The following SDF2L1 variants were observed in gnomAD, a reference collection of about 807,000 sequenced individuals.
SDF2L1 encodes the protein stromal cell derived factor 2 like 1.
In SDF2L1, 18 loss-of-function variants were observed where a neutral mutation model predicts 19.4. The ratio of observed to expected loss-of-function variants is 0.93; its 90% confidence interval spans 0.64 to 1.38. SDF2L1 has a LOEUF of 1.38. Among genes scored for constraint, SDF2L1 ranks in the 40% most tolerant of loss-of-function variants. SDF2L1 has a pLI of 0.00. For missense variants in SDF2L1, 263 were observed against 319.4 expected, an observed-to-expected ratio of 0.82 and a Z score of 1.35; for synonymous variants, 161 against 148.9, an observed-to-expected ratio of 1.08 and a Z score of -0.59.
In SDF2L1 at chr22:21,643,908, TG is replaced by T. The variant is rs771440871; in HGVS notation, c.403del (p.Glu135LysfsTer122). 2 of 1,613,122 alleles carry T rather than the reference TG, an allele frequency of 1.2e-6. No individual in the cohort carries two copies. The highest frequency in any genetic ancestry group is 1.7e-6 in the Non-Finnish European group (2 of 1,179,428). ...LSNNQEVSAFGEDGEGDDLDL... is the reference protein window; with the variant it reads ...LSNNQEVSAFXEDGEGDDLDL... ...TGCACCTATAGGAGGTGAGTGCCTT[TG>T]GGGAAGACGGCGAGGGCGACGACCT... On this transcript the variant is annotated frameshift_variant, in exon 3 of 3. Transcript: ENST00000248958. LOFTEE classifies it high-confidence loss of function.
intron 1 of SDF2L1, 101 bp downstream of exon 1, chr22:21,642,624 C>A (rs2066087899): frequency 1.4e-6 from 2 of 1,389,848 alleles, no homozygotes; most frequent in East Asian, 2.6e-5. Flanking sequence ...GTCTGGAAGC[C>A]GGGCGGCGGG....
At chr22:21,643,366 A>C in intron 2 of SDF2L1, 1 of 532,018 alleles carries the variant, frequency 1.9e-6, no homozygotes, top group Non-Finnish European at 3.3e-6. Context: ...GGAATAGGAA[A>C]CTCCACTGGG....
intron 2 of SDF2L1, 26 bp from the exon 3 acceptor site, chr22:21,643,868 T>C (rs1337901259): frequency 1.9e-6 from 3 of 1,598,294 alleles, no homozygotes; most frequent in Admixed American, 1.7e-5. Context: ...TGGTGACCAC[T>C]GTCTTCTCAT....
At chr22:21,642,762 G>T in intron 1 of SDF2L1, 100 bp from the exon 2 acceptor site, 1 of 1,405,840 alleles carries the variant, frequency 7.1e-7, no homozygotes, top group Non-Finnish European at 9.6e-7. Flanking sequence ...GGCTGGGGGT[G>T]AGCCCTTGGG....
intron 1 of SDF2L1, 53 bp downstream of exon 1, chr22:21,642,576 G>A: frequency 6.7e-7 from 1 of 1,501,118 alleles, no homozygotes; most frequent in African/African-American, 1.4e-5. Context: ...TCGGGGTTGG[G>A]AGTGTGGAGA....
Position 21,642,351 on chromosome 22 carries a change from C to T in SDF2L1, c.15C>T (p.Gly5=). The change falls in exon 1 of 3, where the codon GGC becomes GGT. Residue 5 remains glycine, a synonymous_variant. Coordinates refer to ENST00000248958, the MANE Select transcript of SDF2L1 (RefSeq NM_022044.3). ...GGGCCGGGGCGATGTGGAGCGCGGG[C>T]CGCGGCGGGGCTGCCTGGCCGGTGC... MWSA[G]RGGAAWPVLL... is the part of the protein sequence containing the mutation. The T allele has an allele frequency of 1.4e-6, 2 of 1,384,402 alleles. No homozygotes were observed. Among genetic ancestry groups the T allele is most frequent in the Middle Eastern group, 2.6e-4 (1 of 3,876 alleles). The allele number at this position is 1,384,402 out of a possible 1,614,324, so 85.8% of individuals were successfully genotyped here.
chr22:21,643,864 C>T (rs747434770), intron 2 of SDF2L1, 30 bp from the exon 3 acceptor site: 1 of 1,594,652 alleles, frequency 6.3e-7, no homozygotes, highest in South Asian at 1.1e-5. Context: ...TCTGTGGTGA[C>T]CACTGTCTTC....
chr22:21,643,884 G>A lies in SDF2L1; in HGVS notation c.385-10G>A. ...GGTGACCACTGTCTTCTCATCCTTT[G>A]CACCTATAGGAGGTGAGTGCCTTTG... On this transcript the variant is annotated splice_polypyrimidine_tract_variant and intron_variant, in intron 2 of 2. Transcript: ENST00000248958. The A allele has an allele frequency of 1.2e-6, 2 of 1,607,930 alleles. No individual in the cohort carries two copies. Among genetic ancestry groups the A allele is most frequent in the Non-Finnish European group, 1.7e-6 (2 of 1,175,922 alleles).
At chr22:21,643,107 G>A in intron 2 of SDF2L1, 49 bp downstream of exon 2, 2 of 1,536,370 alleles carry the variant, frequency 1.3e-6, no homozygotes, top group Non-Finnish European at 1.8e-6. Context: ...TGTGTGAGGG[G>A]CCAGAGACAG....
Position 21,642,378 on chromosome 22 carries a change from G to C in SDF2L1, c.42G>C (p.Leu14=). The C allele has an allele frequency of 6.9e-7, 1 of 1,442,246 alleles. No homozygotes were observed. Among genetic ancestry groups the C allele is most frequent in the African/African-American group, 1.5e-5 (1 of 65,896 alleles). 89.3% of individuals were successfully genotyped at this position (1,442,246 alleles called of 1,614,324 possible). The change falls in exon 1 of 3, where the codon CTG becomes CTC. Residue 14 remains leucine, a synonymous_variant. Transcript: ENST00000248958. Reference sequence around the variant, plus strand: ...GCGGCGGGGCTGCCTGGCCGGTGCTGTTGGGGCTGCTGCTGGCGCTGTTAG... The same window carrying C: ...GCGGCGGGGCTGCCTGGCCGGTGCTCTTGGGGCTGCTGCTGGCGCTGTTAG... ...AGRGGAAWPV[L]LGLLLALLVP...
chr22:21,644,204 T>C lies in SDF2L1; in HGVS notation c.*29T>C, dbSNP rs369499413. ...TGTGGATGGATGGGTGGATGGAGGG[T>C]GGCAGGTGGGGCGTCTGCAGGGCCA... On this transcript the variant is annotated 3_prime_UTR_variant, in exon 3 of 3. Transcript: ENST00000248958. 3.4e-5 allele frequency: 54 copies of C among 1,606,272 alleles called. No individual in the cohort carries two copies. In the African/African-American group the frequency reaches 5.9e-4, roughly 17 times the overall value.
At position 21,642,486 on chromosome 22, in the gene SDF2L1, C is replaced by G; in HGVS notation, c.150C>G (p.Arg50=). The change falls in exon 1 of 3, where the codon CGC becomes CGG. Residue 50 remains arginine (R), a synonymous_variant. Coordinates refer to ENST00000248958, the MANE Select transcript of SDF2L1 (RefSeq NM_022044.3). ...TGAAGCTGCTCAATACGCACCACCGCGTGCGGCTGCACTCGCACGACATCA... is the reference window on the plus strand; with the variant it reads ...TGAAGCTGCTCAATACGCACCACCGGGTGCGGCTGCACTCGCACGACATCA... ...SVLKLLNTHH[R]VRLHSHDIKY... is the part of the protein sequence containing the mutation. 1.3e-6 allele frequency: 2 copies of G among 1,518,822 alleles called. No individual in the cohort carries two copies. Among genetic ancestry groups the G allele is most frequent in the Non-Finnish European group, 1.8e-6 (2 of 1,139,114 alleles). The allele number at this position is 1,518,822 out of a possible 1,614,324, so 94.1% of individuals were successfully genotyped here.
At position 21,643,895 on chromosome 22, in the gene SDF2L1, A is replaced by G. The variant is rs1177312484; in HGVS notation, c.386A>G (p.Glu129Gly). The G allele has an allele frequency of 6.2e-7, 1 of 1,611,788 alleles. No individual in the cohort carries two copies. The highest frequency in any genetic ancestry group is 8.5e-7 in the Non-Finnish European group (1 of 1,178,766). The stretch of plus-strand genomic sequence containing the variant: ...TCTTCTCATCCTTTGCACCTATAGG[A>G]GGTGAGTGCCTTTGGGGAAGACGGC... ...HFPSPLSNNQ[E>G]VSAFGEDGEG... The change falls in exon 3 of 3, where the codon GAG (glutamate) becomes GGG (glycine). Residue 129 changes from glutamate to glycine, a missense_variant and splice_region_variant. By Grantham distance (98) the Glu-to-Gly change is moderately conservative (BLOSUM62 -2). This residue lies in a region of SDF2L1 where 203 missense variants were observed against 256.9 expected (regional missense o/e 0.79). Coordinates refer to ENST00000248958, the MANE Select transcript of SDF2L1 (RefSeq NM_022044.3).
Position 21,643,076 on chromosome 22 carries a change from C to G in SDF2L1, c.384+18C>G. 6.4e-7 allele frequency: 1 copy of G among 1,550,436 alleles called. No homozygotes were observed. Among genetic ancestry groups the G allele is most frequent in the African/African-American group, 1.4e-5 (1 of 73,240 alleles). ...ACAACCAGGTGAGCCCCTCCCGGAGCCCCCAGAGAGACTCCTGGCCTGTGT... is the reference window on the plus strand; with the variant it reads ...ACAACCAGGTGAGCCCCTCCCGGAGGCCCCAGAGAGACTCCTGGCCTGTGT... On this transcript the variant is annotated intron_variant, in intron 2 of 2. Transcript: ENST00000248958.
chr22:21,642,475 A>G lies in SDF2L1; in HGVS notation c.139A>G (p.Thr47Ala). Residue 47 changes from threonine to alanine, a missense_variant, in exon 1 of 3, where the codon ACG becomes GCG. By Grantham distance (58) the Thr-to-Ala change is moderately conservative. This residue lies in a region of SDF2L1 where 203 missense variants were observed against 256.9 expected (regional missense o/e 0.79). Coordinates refer to ENST00000248958, the MANE Select transcript of SDF2L1 (RefSeq NM_022044.3). ...TCGSVLKLLN[T>A]HHRVRLHSHD... is the part of the protein sequence containing the mutation. ...CGGGTCGGTGCTGAAGCTGCTCAAT[A>G]CGCACCACCGCGTGCGGCTGCACTC... The G allele has an allele frequency of 2.0e-6, 3 of 1,517,386 alleles. No individual in the cohort carries two copies. Among genetic ancestry groups the G allele is most frequent in the Non-Finnish European group, 1.8e-6 (2 of 1,138,604 alleles). The allele number at this position is 1,517,386 out of a possible 1,614,324, so 94.0% of individuals were successfully genotyped here.
chr22:21,642,542 T>C lies in SDF2L1; in HGVS notation c.187+19T>C. On this transcript the variant is annotated intron_variant, in intron 1 of 2. Coordinates refer to ENST00000248958, the MANE Select transcript of SDF2L1 (RefSeq NM_022044.3). ...GGATCCGGTGCGTGGGGCCAGCGAC[T>C]GGGAGAGCGCGGGGAACCGGGGCTC... 1.3e-6 allele frequency: 2 copies of C among 1,507,582 alleles called. No homozygotes were observed. Among genetic ancestry groups the C allele is most frequent in the East Asian group, 2.6e-5 (1 of 38,694 alleles). The allele number at this position is 1,507,582 out of a possible 1,614,324, so 93.4% of individuals were successfully genotyped here.
At chr22:21,643,621 G>T (rs2066098183) in intron 2 of SDF2L1, among the ~76,000 whole-genome samples, 1 of 152,192 alleles carries the variant, frequency 6.6e-6, no homozygotes, top group Non-Finnish European at 1.5e-5. Flanking sequence ...AGGTCAGAGG[G>T]GTTAGGACTG....
At position 21,644,248 on chromosome 22, in the gene SDF2L1, G is replaced by T; in HGVS notation, c.*73G>T. ...AGGGCCACTCTTGGCAGAGACTTTG[G>T]GTTTGTAGGGGTCCTCAAGTGCCTT... On this transcript the variant is annotated 3_prime_UTR_variant, in exon 3 of 3. Transcript: ENST00000248958. 6.7e-7 allele frequency: 1 copy of T among 1,496,952 alleles called. No homozygotes were observed. The allele number at this position is 1,496,952 out of a possible 1,614,324, so 92.7% of individuals were successfully genotyped here.
Position 21,643,012 on chromosome 22 carries a change from A to T in SDF2L1, c.338A>T (p.Lys113Met). Residue 113 changes from lysine to methionine, a missense_variant, in exon 2 of 3, where the codon AAG (lysine) becomes ATG (methionine). By Grantham distance (95) the Lys-to-Met change is moderately conservative. Around this residue, in one of 3 missense-constraint regions of SDF2L1, gnomAD observed 203 missense variants for 256.9 expected, o/e 0.79. Coordinates refer to ENST00000248958, the MANE Select transcript of SDF2L1 (RefSeq NM_022044.3). The stretch of plus-strand genomic sequence containing the variant: ...AGGCTCACGCATGTGCTTACGGGCA[A>T]GAACCTGCACACGCACCACTTCCCG... ...AVRLTHVLTG[K>M]NLHTHHFPSP... is the part of the protein sequence containing the mutation. 1 of 1,563,092 alleles carries T rather than the reference A, an allele frequency of 6.4e-7. No homozygotes were observed.
Sources: gnomAD v4.1 joint callset for allele counts (sites outside exome capture counted in the v4.1 genomes callset) on GRCh38, gnomAD v4.1.1 for gene constraint, gnomAD v4.1.1 regional missense constraint, MANE v1.5 for transcripts, NCBI Gene and HGNC (gene_info 2026-07-23, HGNC 2026-07-21) for gene names.